Variants in PSG8 observed in about 807,000 individuals in gnomAD.
The protein encoded by PSG8 is pregnancy-specific beta-1-glycoprotein 8.
A neutral mutation model predicts 42.5 loss-of-function variants in PSG8; 57 were observed. The observed-to-expected ratio is 1.34, with a 90% CI of 1.08 to 1.67. The LOEUF is 1.67. Among genes scored for constraint, PSG8 ranks in the 40% most tolerant of loss-of-function variants. The pLI is 0.00. For synonymous variants in PSG8, 280 were observed against 196.8 expected (o/e 1.42, Z -3.54); for missense variants, 783 against 518.6 (o/e 1.51, Z -4.95).
intron 3 of PSG8, among the ~76,000 whole-genome samples, chr19:42,757,715 C>G (rs1969962476): frequency 6.6e-6 from 1 of 152,190 alleles, no homozygotes; most frequent in African/African-American, 2.4e-5. Context: ...GAAGTCCCAG[C>G]CAAATCCCAG....
downstream of PSG8, chr19:42,753,076 G>T: frequency 3.3e-6 from 2 of 608,148 alleles, no homozygotes; most frequent in South Asian, 1.9e-5. Context: ...GTTAAGAGGG[G>T]TGAGAGCCTC....
intron 1 of PSG8, among the ~76,000 whole-genome samples, chr19:42,765,140 CTTTTTCTCT>C (rs1455042255): frequency 4.7e-5 from 7 of 149,648 alleles, no homozygotes; most frequent in Admixed American, 1.3e-4. Context: ...GCCTTCTTTC[CTTTTTCTCT>C]TTTTTCTCTT....
chr19:42,754,652 T>C, intron 4 of PSG8, 65 bp from the exon 5 acceptor site: 2 of 1,542,102 alleles, frequency 1.3e-6, no homozygotes, highest in Non-Finnish European at 1.8e-6. Context: ...CCTGGTCTCT[T>C]AAAGGGACAC....
intron 1 of PSG8, among the ~76,000 whole-genome samples, chr19:42,764,827 C>G (rs943496872): frequency 6.6e-6 from 1 of 152,120 alleles, no homozygotes; most frequent in South Asian, 2.1e-4. Context: ...CCAGAACAGG[C>G]TGCAGACTCC....
intron 3 of PSG8, chr19:42,755,471 C>G (rs1969901176): frequency 1.8e-6 from 2 of 1,118,840 alleles, no homozygotes; most frequent in African/African-American, 1.6e-5. Flanking sequence ...TAGGGAAGCA[C>G]AGACTTTCTC....
chr19:42,764,289 G>T lies in PSG8; in HGVS notation c.65-8C>A, dbSNP rs146112296. On this transcript the variant is annotated splice_polypyrimidine_tract_variant and splice_region_variant and intron_variant, in intron 1 of 4. Transcript: ENST00000306511. ...AGAAGTTTAAAAGTGATGCTAGGAG[G>T]TGGAGAGAGCATCAGTCAATATTGA... 4 of 1,610,598 alleles carry T rather than the reference G, an allele frequency of 2.5e-6. No homozygotes were observed. Among genetic ancestry groups the T allele is most frequent in the Admixed American group, 1.7e-5 (1 of 59,714 alleles).
In PSG8 at chr19:42,764,361, T is replaced by G. The variant is rs1006723293; in HGVS notation, c.65-80A>C. On this transcript the variant is annotated intron_variant, in intron 1 of 4. Coordinates refer to ENST00000306511, the MANE Select transcript of PSG8 (RefSeq NM_182707.3). ...ACATGGGGCCCTGGGTCCTGAGAAG[T>G]TCTCTTCAGTCCTCAGCCTTGAAGA... 2.5e-5 allele frequency: 38 copies of G among 1,539,654 alleles called. No homozygotes were observed. The African/African-American group carries it at 4.4e-4, about 18-fold the overall frequency.
rs775439993 is a variant in PSG8 at position 42,764,061 on chromosome 19, G to A, written c.285C>T (p.Tyr95=). Residue 95 remains tyrosine, a synonymous_variant, in exon 2 of 5, where the codon TAC becomes TAT. Coordinates refer to ENST00000306511, the MANE Select transcript of PSG8 (RefSeq NM_182707.3). ...DGQIIIYGPA[Y]SGRETIYSNA... ...TGGAATATATTGTTTCTCGTCCACT[G>A]TATGCAGGCCCATATATAATTATTT... The A allele has an allele frequency of 1.0e-4, 167 of 1,613,792 alleles. 2 individuals are homozygous for A. The Middle Eastern group carries it at 3.3e-3, about 32-fold the overall frequency.
chr19:42,763,191 C>T (rs752659929), intron 2 of PSG8, among the ~76,000 whole-genome samples: 8 of 152,162 alleles, frequency 5.3e-5, no homozygotes, highest in Admixed American at 6.5e-5. Context: ...TGTGGGCAAG[C>T]TGCTACCAGG....
chr19:42,755,107 A>T lies in PSG8; in HGVS notation c.869T>A (p.Ile290Asn), dbSNP rs200400261. The change falls in exon 4 of 5, where the codon ATT (isoleucine) becomes AAT (asparagine). Residue 290 changes from isoleucine to asparagine, a missense_variant. Ile to Asn is a moderately radical substitution (Grantham distance 149, BLOSUM62 -3). Transcript: ENST00000306511. The stretch of plus-strand genomic sequence containing the variant: ...GGGTAGAATGAGGATCCTGTTTTCA[A>T]TGGGTCGCTTTACCCTGGGACTGAC... ...LPVSPRVKRP[I>N]ENRILILPSV... The T allele has an allele frequency of 6.8e-6, 11 of 1,611,894 alleles. 1 individual carries two copies. The African/African-American group carries it at 1.2e-4, about 18-fold the overall frequency.
chr19:42,761,699 A>G (rs1970078007), intron 2 of PSG8, among the ~76,000 whole-genome samples: 1 of 152,038 alleles, frequency 6.6e-6, no homozygotes, highest in Admixed American at 6.6e-5. Context: ...ACTACCCTTG[A>G]ATATCTCTAA....
chr19:42,760,820 G>C (rs547453935), intron 2 of PSG8, among the ~76,000 whole-genome samples: 20 of 152,220 alleles, frequency 1.3e-4, no homozygotes, highest in African/African-American at 4.8e-4. Context: ...CTGACCTTGT[G>C]CCCGCCTCGG....
chr19:42,753,914 G>A (rs1178680422), downstream of PSG8: 2 of 522,888 alleles, frequency 3.8e-6, no homozygotes, highest in Admixed American at 2.6e-5. Context: ...CAGGTAGAAA[G>A]CAAAAGTAAA....
In PSG8 at chr19:42,763,998, G is replaced by A. The variant is rs781232973; in HGVS notation, c.348C>T (p.Asp116=). ...TGATGTGTAAGGTGTAGGATCCTGC[G>A]TCTTCCTGGGTGACATTCTGGATCA... ...SLLIQNVTQE[D]AGSYTLHIIM... is the part of the protein sequence containing the mutation. Residue 116 remains aspartate (D), a synonymous_variant, in exon 2 of 5, where the codon GAC becomes GAT. Transcript: ENST00000306511. 91 of 1,613,096 alleles carry A rather than the reference G, an allele frequency of 5.6e-5. 1 individual carries two copies. The highest frequency in any genetic ancestry group is 3.8e-4 in the African/African-American group (28 of 74,588).
chr19:42,765,304 C>A (rs186182449), intron 1 of PSG8, among the ~76,000 whole-genome samples: 1 of 152,098 alleles, frequency 6.6e-6, no homozygotes, highest in Non-Finnish European at 1.5e-5. Flanking sequence ...AGGAGCACAC[C>A]ACAATATCTG....
In PSG8 at chr19:42,758,177, G is replaced by A; in HGVS notation, c.534C>T (p.Tyr178=). 1.2e-5 allele frequency: 20 copies of A among 1,613,966 alleles called. No homozygotes were observed. Among genetic ancestry groups the A allele is most frequent in the Non-Finnish European group, 1.7e-5 (20 of 1,179,970 alleles). The change falls in exon 3 of 5, where the codon TAC becomes TAT. Residue 178 remains tyrosine (Y), a synonymous_variant. Transcript: ENST00000306511. ...TCDPETPDAS[Y]LWWMNGQSLP... Reference sequence around the variant, plus strand: ...GGCTCTGACCATTCATCCACCACAGGTAGCTTGCGTCCGGAGTCTCAGGAT... The same window carrying A: ...GGCTCTGACCATTCATCCACCACAGATAGCTTGCGTCCGGAGTCTCAGGAT...
chr19:42,763,846 C>G (rs372792521), intron 2 of PSG8, 70 bp downstream of exon 2: 7 of 1,611,216 alleles, frequency 4.3e-6, no homozygotes, highest in East Asian at 2.2e-5. Context: ...CCAGGCCTGA[C>G]AATCCTGTGT....
chr19:42,753,298 A>G (rs1969826419), downstream of PSG8: 1 of 780,262 alleles, frequency 1.3e-6, no homozygotes, highest in African/African-American at 1.7e-5. Flanking sequence ...CTTCTGGAAC[A>G]GAGTGGGTCT....
chr19:42,753,414 G>T, downstream of PSG8: 1 of 774,034 alleles, frequency 1.3e-6, no homozygotes, highest in Non-Finnish European at 2.4e-6. Flanking sequence ...ACAATGAACA[G>T]AGATGCAATC....
Sources: allele counts gnomAD v4.1 joint callset (sites outside exome capture counted in the v4.1 genomes callset), GRCh38; gene constraint gnomAD v4.1.1; transcripts MANE v1.5; gene names NCBI Gene and HGNC (gene_info 2026-07-23, HGNC 2026-07-21).